Variants in TIMM9 observed in about 807,000 individuals in gnomAD.
The protein encoded by TIMM9 is mitochondrial import inner membrane translocase subunit Tim9.
A neutral mutation model predicts 13.4 loss-of-function variants in TIMM9; 10 were observed. That is an observed-to-expected ratio of 0.75 (90% CI 0.46 to 1.26). The LOEUF (loss-of-function observed/expected upper bound fraction) is 1.26, where lower values mean the gene tolerates loss of function less well. Ranked by LOEUF, TIMM9 falls within the 50% of genes most tolerant of loss-of-function variation. TIMM9 has a pLI of 0.00. For missense variants in TIMM9, 87 were observed against 100.8 expected (o/e 0.86, Z 0.58); for synonymous variants, 32 against 32.1 (o/e 1.00, Z 0.01).
intron 2 of TIMM9, among the ~76,000 whole-genome samples, chr14:58,425,018 T>G (rs1041499910): frequency 3.9e-5 from 6 of 152,158 alleles, no homozygotes; most frequent in Non-Finnish European, 7.3e-5. Context: ...AGGGAATAAT[T>G]AGGAAAATCT....
chr14:58,415,111 A>G (rs1688188359), intron 3 of TIMM9, among the ~76,000 whole-genome samples: 1 of 152,186 alleles, frequency 6.6e-6, no homozygotes, highest in African/African-American at 2.4e-5. Flanking sequence ...TGCCTACTCC[A>G]CCTAGCAGTA....
intron 3 of TIMM9, among the ~76,000 whole-genome samples, chr14:58,418,691 A>G (rs899988372): frequency 6.6e-6 from 1 of 152,186 alleles, no homozygotes; most frequent in South Asian, 2.1e-4. Flanking sequence ...TAAAAATACA[A>G]TATCATTTAC....
At chr14:58,422,134 G>A in intron 3 of TIMM9, among the ~76,000 whole-genome samples, 1 of 136,650 alleles carries the variant, frequency 7.3e-6, no homozygotes, top group South Asian at 2.3e-4. Flanking sequence ...TTTTTTTTGA[G>A]ACGGAGTTTT....
At chr14:58,412,833 T>G (rs2036265427) in intron 3 of TIMM9, among the ~76,000 whole-genome samples, 1 of 151,978 alleles carries the variant, frequency 6.6e-6, no homozygotes, top group African/African-American at 2.4e-5. Context: ...CTCAGGACGT[T>G]GAGGTTACAG....
chr14:58,418,403 A>G (rs540076170), intron 3 of TIMM9, among the ~76,000 whole-genome samples: 4 of 152,232 alleles, frequency 2.6e-5, no homozygotes, highest in African/African-American at 7.2e-5. Flanking sequence ...GTGAGCAAGG[A>G]CAGATGTCCA....
In TIMM9 at chr14:58,408,866, G is replaced by T; in HGVS notation, c.*168C>A. ...AAGACCTTCTATTGTGATTATTCCT[G>T]GTAAATAGCAATTTTGTTTCTCCAG... On this transcript the variant is annotated 3_prime_UTR_variant, in exon 6 of 6. Transcript: ENST00000395159. 1.0e-6 allele frequency: 1 copy of T among 952,780 alleles called. No homozygotes were observed. Among genetic ancestry groups the T allele is most frequent in the East Asian group, 2.7e-5 (1 of 36,434 alleles). The allele number at this position is 952,780 out of a possible 1,614,324, so 59.0% of individuals were successfully genotyped here.
intron 2 of TIMM9, among the ~76,000 whole-genome samples, chr14:58,424,506 T>C (rs1172547448): frequency 6.6e-6 from 1 of 152,232 alleles, no homozygotes; most frequent in Non-Finnish European, 1.5e-5. Flanking sequence ...TTAAGACCTA[T>C]AAAATGTCTT....
At chr14:58,425,369 A>C (rs2036701635) in intron 2 of TIMM9, among the ~76,000 whole-genome samples, 1 of 152,160 alleles carries the variant, frequency 6.6e-6, no homozygotes, top group South Asian at 2.1e-4. Context: ...TGAGAAAATA[A>C]GCCTGGGCAA....
chr14:58,410,839 A>G lies in TIMM9; in HGVS notation c.135+4T>C, dbSNP rs778234882. 33 of 1,600,364 alleles carry G rather than the reference A, an allele frequency of 2.1e-5. No homozygotes were observed. Among genetic ancestry groups the G allele is most frequent in the Non-Finnish European group, 2.6e-5 (30 of 1,173,752 alleles). ...AGAATTTTAGTGAGTAACACTTTTC[A>G]TACCTCTTCAGGTTTTACTTCTCTT... On this transcript the variant is annotated splice_donor_region_variant and intron_variant, in intron 5 of 5. Coordinates refer to ENST00000395159, the MANE Select transcript of TIMM9 (RefSeq NM_012460.4).
chr14:58,420,299 CA>C (rs2036549076), intron 3 of TIMM9, among the ~76,000 whole-genome samples: 1 of 152,064 alleles, frequency 6.6e-6, no homozygotes. Context: ...GAAATATTTG[CA>C]AACTACATAA....
At chr14:58,422,346 C>A (rs1232160517) in intron 3 of TIMM9, among the ~76,000 whole-genome samples, 1 of 152,070 alleles carries the variant, frequency 6.6e-6, no homozygotes, top group Non-Finnish European at 1.5e-5. Context: ...AAACTCCCGA[C>A]CTCAGGTGAT....
At chr14:58,411,799 C>T (rs956544298) in intron 4 of TIMM9, 108 bp downstream of exon 4, 15 of 1,011,552 alleles carry the variant, frequency 1.5e-5, no homozygotes, top group Non-Finnish European at 2.0e-5. Flanking sequence ...GGCCTCCCAA[C>T]GTGCTGGGAT....
At chr14:58,418,403 A>T (rs540076170) in intron 3 of TIMM9, among the ~76,000 whole-genome samples, 3 of 152,350 alleles carry the variant, frequency 2.0e-5, no homozygotes, top group East Asian at 3.9e-4. Context: ...GTGAGCAAGG[A>T]CAGATGTCCA....
At chr14:58,423,017 T>C (rs1364299002) in intron 3 of TIMM9, among the ~76,000 whole-genome samples, 2 of 150,908 alleles carry the variant, frequency 1.3e-5, no homozygotes, top group Non-Finnish European at 3.0e-5. Context: ...GTTGGCCAGG[T>C]TGGTCTTGAA....
chr14:58,410,783 G>A, intron 5 of TIMM9, 60 bp downstream of exon 5: 2 of 1,148,318 alleles, frequency 1.7e-6, no homozygotes, highest in Non-Finnish European at 2.5e-6. Flanking sequence ...TGCTTAAGGG[G>A]ATCCTACTTA....
At chr14:58,413,232 C>A (rs2036279233) in intron 3 of TIMM9, among the ~76,000 whole-genome samples, 1 of 152,066 alleles carries the variant, frequency 6.6e-6, no homozygotes, top group Non-Finnish European at 1.5e-5. Context: ...TTAATAAAAT[C>A]TATTGTTGAA....
In TIMM9 at chr14:58,416,640, T is replaced by G. The variant is rs368141260; in HGVS notation, c.-26-4669A>C. On this transcript the variant is annotated intron_variant, in intron 3 of 5. Transcript: ENST00000395159. ...ATACACTTCTCTTGAGTTTCCTAAA[T>G]TATGTTTGTCGGTTGAAGCAAAAAT... is the stretch of plus-strand genomic sequence containing the variant. 2.6e-5 allele frequency among the ~76,000 whole-genome samples: 4 copies of G among 152,364 alleles called. 1 individual carries two copies.
At chr14:58,419,490 CACACACACACACACAAACACAT>C (rs1423983036) in intron 3 of TIMM9, among the ~76,000 whole-genome samples, 27 of 150,434 alleles carry the variant, frequency 1.8e-4, no homozygotes, top group South Asian at 4.2e-4. Context: ...CACACACACA[CACACACACACACACAAACACAT>C]ACACACACAC....
intron 3 of TIMM9, among the ~76,000 whole-genome samples, chr14:58,414,970 T>C (rs1016238375): frequency 1.3e-5 from 2 of 152,082 alleles, no homozygotes; most frequent in African/African-American, 2.4e-5. Flanking sequence ...AGGACTTGCA[T>C]TACTGCCTCA....
Sources: allele counts gnomAD v4.1 joint callset (sites outside exome capture counted in the v4.1 genomes callset), GRCh38; gene constraint gnomAD v4.1.1; transcripts MANE v1.5; gene names NCBI Gene and HGNC (gene_info 2026-07-23, HGNC 2026-07-21).